The following CIITA variants were observed in gnomAD, a reference collection of about 807,000 sequenced individuals.
CIITA encodes MHC class II transactivator.
Under a neutral mutation model 115.1 loss-of-function variants are expected in CIITA, and 72 were observed. The ratio of observed to expected loss-of-function variants is 0.63; its 90% CI spans 0.52 to 0.76. The LOEUF (loss-of-function observed/expected upper bound fraction) is 0.76. Among genes scored for constraint, CIITA ranks in the 30% least tolerant of loss-of-function variants. CIITA has a pLI of 0.00. For synonymous variants in CIITA, 763 were observed against 635.6 expected, an observed-to-expected ratio of 1.20 and a Z score of -3.02; for missense variants, 1,617 against 1,463.8, an observed-to-expected ratio of 1.10 and a Z score of -1.71.
At chr16:10,882,422 G>A (rs1188702680) in intron 1 of CIITA, among the ~76,000 whole-genome samples, 1 of 152,108 alleles carries the variant, frequency 6.6e-6, no homozygotes, top group Non-Finnish European at 1.5e-5. Flanking sequence ...ACTTCAGGAA[G>A]GAAAGATATA....
intron 3 of CIITA, 28 bp from the exon 4 acceptor site, chr16:10,898,642 T>C: frequency 6.3e-7 from 1 of 1,594,168 alleles, no homozygotes; most frequent in East Asian, 2.3e-5. Context: ...ACCTTGTTGA[T>C]TGACTGCGCT....
chr16:10,917,511 T>C, intron 15 of CIITA, among the ~76,000 whole-genome samples: 1 of 148,386 alleles, frequency 6.7e-6, no homozygotes, highest in Non-Finnish European at 1.5e-5. Context: ...ACACGGAGTC[T>C]CGCTCTGTAG....
chr16:10,908,838 C>T (rs760099807), intron 11 of CIITA, 191 bp from the exon 12 acceptor site: 26 of 771,298 alleles, frequency 3.4e-5, no homozygotes, highest in Non-Finnish European at 5.6e-5. Flanking sequence ...GGAAAGAAAA[C>T]CACTGTGTGA....
intron 13 of CIITA, among the ~76,000 whole-genome samples, chr16:10,911,841 G>T (rs910998387): frequency 6.6e-6 from 1 of 151,118 alleles, no homozygotes; most frequent in Non-Finnish European, 1.5e-5. Flanking sequence ...GCGAGCTCCC[G>T]CACCTGGCCA....
At chr16:10,905,275 TC>T (rs1219048679) in intron 10 of CIITA, among the ~76,000 whole-genome samples, 2 of 152,228 alleles carry the variant, frequency 1.3e-5, no homozygotes, top group Non-Finnish European at 2.9e-5. Context: ...ATCCCCATTT[TC>T]CAGATGAGGC....
Position 10,933,691 on chromosome 16 carries a change from G to T in CIITA, c.*9836G>T, listed in dbSNP as rs1051136853. ...CCAGGTAGAAACCAATACCGGCAGG[G>T]AACCTTCTCAAGGCTAGGGGCCTTC... is the stretch of plus-strand genomic sequence containing the variant. On this transcript the variant is annotated 3_prime_UTR_variant, in exon 20 of 20. Transcript: ENST00000324288. 1 of 152,262 alleles carries T rather than the reference G, an allele frequency of 6.6e-6. No homozygotes were observed. The highest frequency in any genetic ancestry group is 2.4e-5 in the African/African-American group (1 of 41,428). 9.4% of individuals were successfully genotyped at this position (152,262 alleles called of 1,614,324 possible).
At position 10,922,421 on chromosome 16, in the gene CIITA, A is replaced by G; in HGVS notation, c.3248A>G (p.Lys1083Arg). The change falls in exon 18 of 20, where the codon AAG becomes AGG. Residue 1083 changes from lysine (K) to arginine (R), a missense_variant. Lys to Arg is a conservative substitution (Grantham distance 26). Coordinates refer to ENST00000324288, the MANE Select transcript of CIITA (RefSeq NM_000246.4). Reference protein sequence around the residue: ...SLRVMDVQYNKFTAAGAQQLA... With the variant: ...SLRVMDVQYNRFTAAGAQQLA... ...TCTCTTGCCAGCGTCCAGTACAACA[A>G]GTTCACGGCTGCCGGGGCCCAGCAG... The G allele has an allele frequency of 6.2e-7, 1 of 1,614,228 alleles. No individual in the cohort carries two copies. Among genetic ancestry groups the G allele is most frequent in the Non-Finnish European group, 8.5e-7 (1 of 1,180,034 alleles).
At chr16:10,895,630 A>C in intron 2 of CIITA, 39 bp from the exon 3 acceptor site, 1 of 1,603,696 alleles carries the variant, frequency 6.2e-7, no homozygotes, top group East Asian at 2.2e-5. Flanking sequence ...CCCTCTTTCC[A>C]GAAATTTCCT....
At chr16:10,936,558 CT>C (rs1184234274), downstream of CIITA, 2 of 152,234 alleles carry the variant, frequency 1.3e-5, no homozygotes, top group Non-Finnish European at 2.9e-5. Flanking sequence ...ATTGTTTGTG[CT>C]CTTGCAACTT....
Position 10,923,168 on chromosome 16 carries a change from T to G in CIITA, c.3318-60T>G. 6.7e-7 allele frequency: 1 copy of G among 1,489,014 alleles called. No individual in the cohort carries two copies. Among genetic ancestry groups the G allele is most frequent in the Non-Finnish European group, 9.3e-7 (1 of 1,072,688 alleles). 92.2% of individuals were successfully genotyped at this position (1,489,014 alleles called of 1,614,324 possible). A position where few individuals can be genotyped will look rare whatever the true frequency, so the allele number is the denominator to read the frequency against. On this transcript the variant is annotated intron_variant, in intron 18 of 19. Coordinates refer to ENST00000324288, the MANE Select transcript of CIITA (RefSeq NM_000246.4). The surrounding 1 kb of genome is among the most constrained non-coding windows in gnomAD (Gnocchi z 5.2). Reference sequence around the variant, plus strand: ...GGAGGGATTTGGGGGCAGCTGTCACTGGGGCCCCAGGCCGCCCTCTCTCCT... The same window carrying G: ...GGAGGGATTTGGGGGCAGCTGTCACGGGGGCCCCAGGCCGCCCTCTCTCCT...
At chr16:10,867,801 G>A (rs1389193717) in intron 1 of CIITA, among the ~76,000 whole-genome samples, 2 of 152,128 alleles carry the variant, frequency 1.3e-5, no homozygotes, top group Non-Finnish European at 2.9e-5. Context: ...TCTTGCCCAG[G>A]CTGGAGTGTA....
At chr16:10,890,888 G>A (rs556607022) in intron 1 of CIITA, among the ~76,000 whole-genome samples, 29 of 152,204 alleles carry the variant, frequency 1.9e-4, no homozygotes, top group African/African-American at 5.1e-4. Context: ...ATTATTATTC[G>A]CATTTTATAG....
rs1036766271 is a variant in CIITA at position 10,911,236 on chromosome 16, CTTCT to C, written c.2888+990_2888+993del. On this transcript the variant is annotated intron_variant, in intron 13 of 19. Transcript: ENST00000324288. ...CTTCTCTCTTTCTTTTTCTTTCTTT[CTTCT>C]TTCTTTCTTTCTCTCTTTCTTTCCT... Among the ~76,000 whole-genome samples the C allele has an allele frequency of 2.7e-4, 40 of 150,190 alleles. 1 individual carries two copies. The East Asian group carries it at 2.9e-3, about 11-fold the overall frequency.
chr16:10,888,469 A>T, intron 1 of CIITA: 1 of 152,246 alleles, frequency 6.6e-6, no homozygotes, highest in East Asian at 1.9e-4. Flanking sequence ...CAGATAGTTT[A>T]AGTCTGAGTT....
At chr16:10,938,170 C>A (rs768222579), downstream of CIITA, 9 of 152,106 alleles carry the variant, frequency 5.9e-5, no homozygotes, top group Admixed American at 1.3e-4. This position sits in a 1 kb window ranked among gnomAD's most constrained non-coding sequence, Gnocchi z 4.9. Context: ...ATCCTCACAA[C>A]AAGGGAGATT....
chr16:10,899,649 A>G (rs2038508388), intron 5 of CIITA, among the ~76,000 whole-genome samples: 1 of 152,226 alleles, frequency 6.6e-6, no homozygotes, highest in South Asian at 2.1e-4. Flanking sequence ...CTGTTGAATG[A>G]AAACATCTGT....
At chr16:10,895,945 G>A (rs1205045889) in intron 3 of CIITA, among the ~76,000 whole-genome samples, 181 bp downstream of exon 3, 1 of 151,936 alleles carries the variant, frequency 6.6e-6, no homozygotes, top group Admixed American at 6.6e-5. Flanking sequence ...GGAGATGGAG[G>A]CCAGTGGGGG....
rs2036281233 is a variant in CIITA, at chr16:10,880,223, A to C, written c.52+2841A>C. The stretch of plus-strand genomic sequence containing the variant: ...CTGAGTGGGGAATCCCAGGCTCCCC[A>C]CACATGAACATCACCTGGGATGATC... On this transcript the variant is annotated intron_variant, in intron 1 of 19. Transcript: ENST00000324288. 2.0e-5 allele frequency among the ~76,000 whole-genome samples: 3 copies of C among 152,084 alleles called. No individual in the cohort carries two copies. The South Asian group carries it at 6.2e-4, about 32-fold the overall frequency.
At chr16:10,868,711 A>G (rs996657631) in intron 1 of CIITA, among the ~76,000 whole-genome samples, 1 of 152,022 alleles carries the variant, frequency 6.6e-6, no homozygotes. Context: ...TCACTGCCGG[A>G]CACTTCAGCC....
Sources: gnomAD v4.1 joint callset for allele counts (sites outside exome capture counted in the v4.1 genomes callset) on GRCh38, gnomAD v4.1.1 for gene constraint, Gnocchi (gnomAD v3.1) non-coding constraint, MANE v1.5 for transcripts, NCBI Gene and HGNC (gene_info 2026-07-23, HGNC 2026-07-21) for gene names.